Variants in RGS12 observed in about 807,000 individuals in gnomAD.
RGS12 encodes regulator of G-protein signaling 12.
In RGS12, 66 loss-of-function variants were observed where a neutral mutation model predicts 120.1. The observed-to-expected ratio is 0.55, with a 90% CI of 0.45 to 0.67. The LOEUF (loss-of-function observed/expected upper bound fraction) is 0.67. RGS12 is among the 30% of genes least tolerant of loss of function. RGS12 has a pLI of 0.00. For missense variants in RGS12, 1,859 were observed against 1,957.7 expected (o/e 0.95, Z 0.95); for synonymous variants, 827 against 804.7 (o/e 1.03, Z -0.47).
chr4:3,348,487 G>T (rs1387918241), intron 3 of RGS12, among the ~76,000 whole-genome samples: 1 of 152,162 alleles, frequency 6.6e-6, no homozygotes, highest in Non-Finnish European at 1.5e-5. Flanking sequence ...AAAAGTACTT[G>T]AATTTAATGA....
intron 1 of RGS12, among the ~76,000 whole-genome samples, chr4:3,295,727 AAGC>A (rs1402644504): frequency 1.3e-5 from 2 of 152,180 alleles, no homozygotes; most frequent in East Asian, 1.9e-4. Context: ...CAACAACAAA[AAGC>A]AGGCTGAAGG....
At chr4:3,386,543 C>G in intron 4 of RGS12, 106 bp downstream of exon 4, 1 of 957,442 alleles carries the variant, frequency 1.0e-6, no homozygotes, top group Non-Finnish European at 1.6e-6. Context: ...GGTTGTTTGC[C>G]TTTCCCTGTC....
chr4:3,316,632 G>C lies in RGS12; in HGVS notation c.462G>C (p.Pro154=), dbSNP rs774176669. 1 of 1,614,078 alleles carries C rather than the reference G, an allele frequency of 6.2e-7. No individual in the cohort carries two copies. The highest frequency in any genetic ancestry group is 1.1e-5 in the South Asian group (1 of 91,070). The change falls in exon 2 of 18, where the codon CCG becomes CCC. Residue 154 remains proline, a synonymous_variant. Coordinates refer to ENST00000336727, the MANE Select transcript of RGS12 (RefSeq NM_001394154.1). ...GGIFNMIFEN[P]SLCASNSEPL... ...TTTTCAATATGATTTTTGAAAACCC[G>C]AGCCTTTGTGCGAGCAATTCAGAGC...
chr4:3,343,151 T>C, intron 3 of RGS12, 98 bp downstream of exon 3: 1 of 769,130 alleles, frequency 1.3e-6, no homozygotes, highest in Non-Finnish European at 2.2e-6. Context: ...GTCCCTGTGG[T>C]CCCCTCCCCT....
In RGS12 at chr4:3,409,703, C is replaced by T. The variant is rs4690092; in HGVS notation, c.2021-4369C>T. Among the ~76,000 whole-genome samples the T allele has an allele frequency of 6.2e-3, 937 of 152,332 alleles. 20 individuals carry two copies. The East Asian group carries it at 0.068, about 11-fold the overall frequency. ...AAGGGAGGCAGACGGTTCACGTCACCGTGCTTGTGTGTTGGAATTGAAACA... is the reference window on the plus strand; with the variant it reads ...AAGGGAGGCAGACGGTTCACGTCACTGTGCTTGTGTGTTGGAATTGAAACA... On this transcript the variant is annotated intron_variant, in intron 4 of 17. Coordinates refer to ENST00000336727, the MANE Select transcript of RGS12 (RefSeq NM_001394154.1).
At chr4:3,384,408 C>T (rs551846975) in intron 3 of RGS12, among the ~76,000 whole-genome samples, 85 of 152,348 alleles carry the variant, frequency 5.6e-4, no homozygotes, top group Non-Finnish European at 1.1e-3. Flanking sequence ...CTCACCTCGG[C>T]TTCCCAAAGT....
chr4:3,424,596 G>A (rs1483545387), intron 13 of RGS12, among the ~76,000 whole-genome samples: 5 of 152,204 alleles, frequency 3.3e-5, no homozygotes, highest in Admixed American at 1.3e-4. Flanking sequence ...CAGCGTGCTC[G>A]TGGCATGGTT....
chr4:3,342,428 G>A (rs73193360), intron 2 of RGS12: 20,046 of 1,267,774 alleles, frequency 0.016, 201 homozygotes, highest in Non-Finnish European at 0.019. Flanking sequence ...TATTTCCTGC[G>A]CCGGAGTTGG....
rs184286624 is a variant in RGS12, at chr4:3,366,038, C to A, written c.1999-20378C>A. Among the ~76,000 whole-genome samples the A allele has an allele frequency of 1.8e-3, 278 of 152,132 alleles. 3 individuals are homozygous for A. The highest frequency in any genetic ancestry group is 6.0e-3 in the South Asian group (29 of 4,794). ...GGGGCACCGTTGCGTGGGGCGTGCT[C>A]GAGGTGGAGACGGCTGTGAGCAGCT... On this transcript the variant is annotated intron_variant, in intron 3 of 17. Coordinates refer to ENST00000336727, the MANE Select transcript of RGS12 (RefSeq NM_001394154.1). This position sits in a 1 kb window ranked among gnomAD's most constrained non-coding sequence, Gnocchi z 4.0.
intron 4 of RGS12, among the ~76,000 whole-genome samples, chr4:3,409,856 C>T (rs1165222400): frequency 6.6e-6 from 1 of 152,236 alleles, no homozygotes; most frequent in East Asian, 1.9e-4. Context: ...CAGGGCCCCT[C>T]AGCTGGGCCT....
intron 17 of RGS12, chr4:3,431,974 AGGGGCTACCT>A: frequency 1.0e-6 from 1 of 985,402 alleles, no homozygotes; most frequent in South Asian, 4.7e-5. Context: ...GTGGCATGGG[AGGGGCTACCT>A]GGTCCCTTTC....
rs374967446 is a variant in RGS12 at position 3,387,357 on chromosome 4, G to A, written c.2020+920G>A. On this transcript the variant is annotated intron_variant, in intron 4 of 17. Coordinates refer to ENST00000336727, the MANE Select transcript of RGS12 (RefSeq NM_001394154.1). ...GCTGCTGGCCTCAGTCCTCGGCCTC[G>A]GAAAGGGCTGCTGTCCCCAGGTAGG... is the stretch of plus-strand genomic sequence containing the variant. 4.4e-4 allele frequency among the ~76,000 whole-genome samples: 67 copies of A among 152,310 alleles called. 3 individuals are homozygous for A. The East Asian group carries it at 5.0e-3, about 11-fold the overall frequency.
chr4:3,416,021 G>A lies in RGS12; in HGVS notation c.2327G>A (p.Ser776Asn). 6.2e-7 allele frequency: 1 copy of A among 1,613,594 alleles called. No individual in the cohort carries two copies. The highest frequency in any genetic ancestry group is 1.7e-5 in the Admixed American group (1 of 59,930). Residue 776 changes from serine to asparagine, a missense_variant, in exon 7 of 18, where the codon AGC becomes AAC. Ser to Asn is a conservative substitution (Grantham distance 46, BLOSUM62 1). Transcript: ENST00000336727. The part of the protein sequence containing the change: ...AREIFSKFLC[S>N]KATTPVNIDS... The stretch of plus-strand genomic sequence containing the variant: ...GAGATTTTCAGTAAGTTTCTCTGCA[G>A]CAAAGCCACCACCCCGGTCAACATC...
At chr4:3,342,800 G>A in intron 2 of RGS12, 137 bp from the exon 3 acceptor site, 1 of 742,146 alleles carries the variant, frequency 1.3e-6, no homozygotes, top group Non-Finnish European at 2.3e-6. Context: ...ATTTACCCTG[G>A]GATGACTTTT....
At chr4:3,342,410 T>C in intron 2 of RGS12, 1 of 1,252,988 alleles carries the variant, frequency 8.0e-7, no homozygotes. Flanking sequence ...GATGTTTTAA[T>C]AGCCAGTTAT....
chr4:3,350,226 C>T (rs1471504269), intron 3 of RGS12, among the ~76,000 whole-genome samples: 1 of 152,100 alleles, frequency 6.6e-6, no homozygotes, highest in Non-Finnish European at 1.5e-5. Context: ...ATAATTGTGT[C>T]TTTAGTCTGG....
chr4:3,429,251 G>A (rs1016803870), intron 16 of RGS12, among the ~76,000 whole-genome samples: 1 of 152,244 alleles, frequency 6.6e-6, no homozygotes, highest in African/African-American at 2.4e-5. Context: ...GACTGAGATG[G>A]AGAGATGAGT....
chr4:3,294,359 G>T (rs1050324965), intron 1 of RGS12, among the ~76,000 whole-genome samples: 1 of 152,262 alleles, frequency 6.6e-6, no homozygotes. Context: ...GGCTGCTGGG[G>T]TGGAGTCCTG....
At chr4:3,418,315 C>T (rs1722632726) in intron 9 of RGS12, 1 of 152,302 alleles carries the variant, frequency 6.6e-6, no homozygotes, top group African/African-American at 2.4e-5. Context: ...GAAGATGAGG[C>T]TGTTCTGTAC....
Sources: allele counts gnomAD v4.1 joint callset (sites outside exome capture counted in the v4.1 genomes callset), GRCh38; gene constraint gnomAD v4.1.1; non-coding constraint Gnocchi (gnomAD v3.1); transcripts MANE v1.5; gene names NCBI Gene and HGNC (gene_info 2026-07-23, HGNC 2026-07-21).